DYNC2H1: variants seen among roughly 807,000 people sequenced by gnomAD.
DYNC2H1 encodes the protein cytoplasmic dynein 2 heavy chain 1.
A neutral mutation model predicts 570.0 loss-of-function variants in DYNC2H1; 410 were observed. That is an observed-to-expected ratio of 0.72 (90% CI 0.66 to 0.78). The LOEUF (loss-of-function observed/expected upper bound fraction) is 0.78. Ranked by LOEUF, DYNC2H1 falls within the 30% of genes least tolerant of loss-of-function variation. DYNC2H1 has a pLI of 0.00. For synonymous variants in DYNC2H1, 1,688 were observed against 1,677.6 expected (o/e 1.01, Z -0.15); for missense variants, 4,865 against 5,046.4 (o/e 0.96, Z 1.09).
chr11:103,383,969 A>C lies in DYNC2H1; in HGVS notation c.12157-15694A>C, dbSNP rs1333148412. ...TGTCTTGATTACCTTTTAGGTATAG[A>C]TGTCTATTATGTATGACTACATTAT... On this transcript the variant is annotated intron_variant, in intron 83 of 88. Transcript: ENST00000375735. Among the ~76,000 whole-genome samples the C allele has an allele frequency of 2.0e-5, 3 of 152,180 alleles. No homozygotes were observed. The East Asian group carries it at 5.8e-4, about 29-fold the overall frequency.
chr11:103,190,975 T>C (rs1449033359), intron 45 of DYNC2H1, among the ~76,000 whole-genome samples: 1 of 144,118 alleles, frequency 6.9e-6, no homozygotes, highest in East Asian at 2.0e-4. Flanking sequence ...TTTTTTTTTT[T>C]GGCCATCTGT....
Position 103,199,105 on chromosome 11 carries a change from G to C in DYNC2H1, c.7840-123G>C. 1 of 606,622 alleles carries C rather than the reference G, an allele frequency of 1.6e-6. No individual in the cohort carries two copies. The highest frequency in any genetic ancestry group is 2.6e-6 in the Non-Finnish European group (1 of 380,570). 37.6% of individuals were successfully genotyped at this position (606,622 alleles called of 1,614,324 possible). ...TAAAATATTGAGTGTGAGATGATAT[G>C]TAGTCACTTTACTTTTTTTCTTGAA... On this transcript the variant is annotated intron_variant, in intron 48 of 88. Coordinates refer to ENST00000375735, the MANE Select transcript of DYNC2H1 (RefSeq NM_001377.3). The surrounding 1 kb of genome is among the most constrained non-coding windows in gnomAD (Gnocchi z 4.6).
Position 103,170,387 on chromosome 11 carries a change from A to G in DYNC2H1, c.5151+97A>G, listed in dbSNP as rs1342202531. 8 of 1,196,802 alleles carry G rather than the reference A, an allele frequency of 6.7e-6. No homozygotes were observed. The highest frequency in any genetic ancestry group is 8.9e-6 in the Non-Finnish European group (8 of 894,434). 74.1% of individuals were successfully genotyped at this position (1,196,802 alleles called of 1,614,324 possible). A position where few individuals can be genotyped will look rare whatever the true frequency, so the allele number is the denominator to read the frequency against. On this transcript the variant is annotated intron_variant, in intron 33 of 88. Coordinates refer to ENST00000375735, the MANE Select transcript of DYNC2H1 (RefSeq NM_001377.3). This position sits in a 1 kb window ranked among gnomAD's most constrained non-coding sequence, Gnocchi z 4.8. ...AAATACTCTACTTAAAAATCACTAC[A>G]TTTAAATTAGTTGAAGACAGAATTT...
chr11:103,412,144 T>G (rs916611515), intron 84 of DYNC2H1, among the ~76,000 whole-genome samples: 2 of 28,034 alleles, frequency 7.1e-5, no homozygotes, highest in Admixed American at 3.6e-4. Context: ...AAAATAAAAG[T>G]TAAATTTTTG....
intron 73 of DYNC2H1, among the ~76,000 whole-genome samples, chr11:103,285,144 T>A (rs574212817): frequency 8.5e-5 from 13 of 152,306 alleles, no homozygotes; most frequent in South Asian, 4.1e-4. Flanking sequence ...CTTGACAGAG[T>A]TTAAAACTGA....
chr11:103,392,169 C>A (rs1323123362), intron 83 of DYNC2H1, among the ~76,000 whole-genome samples: 1 of 152,250 alleles, frequency 6.6e-6, no homozygotes, highest in Non-Finnish European at 1.5e-5. Context: ...TTCCCGGCCA[C>A]TTTGTTTACC....
rs1016831353 is a variant in DYNC2H1 at position 103,381,494 on chromosome 11, G to A, written c.12157-18169G>A. Among the ~76,000 whole-genome samples the A allele has an allele frequency of 2.6e-5, 4 of 152,204 alleles. No homozygotes were observed. The South Asian group carries it at 8.3e-4, about 32-fold the overall frequency. ...AGATGGAGTCTCGCTTTGTCACTCAGGCTGGAGTACAGTGGCGCGATCTCG... is the reference window on the plus strand; with the variant it reads ...AGATGGAGTCTCGCTTTGTCACTCAAGCTGGAGTACAGTGGCGCGATCTCG... On this transcript the variant is annotated intron_variant, in intron 83 of 88. Transcript: ENST00000375735.
chr11:103,464,403 A>G (rs1945127342), intron 87 of DYNC2H1, among the ~76,000 whole-genome samples: 1 of 152,218 alleles, frequency 6.6e-6, no homozygotes, highest in Non-Finnish European at 1.5e-5. Context: ...TTCTAAAAGG[A>G]TTTCTAGAAG....
In DYNC2H1 at chr11:103,325,658, T is replaced by A. The variant is rs1036502714; in HGVS notation, c.12039+1668T>A. ...TGATTGTATTATGAAATTCTTGTAG[T>A]GAATTTTTCCATTCCAGAAGTTCAG... On this transcript the variant is annotated intron_variant, in intron 82 of 88. Transcript: ENST00000375735. This position sits in a 1 kb window ranked among gnomAD's most constrained non-coding sequence, Gnocchi z 4.8. 1.1e-4 allele frequency among the ~76,000 whole-genome samples: 16 copies of A among 152,198 alleles called. No individual in the cohort carries two copies. The highest frequency in any genetic ancestry group is 1.0e-3 in the Admixed American group (16 of 15,284).
intron 63 of DYNC2H1, among the ~76,000 whole-genome samples, chr11:103,238,491 A>C (rs964901198): frequency 6.6e-6 from 1 of 151,806 alleles, no homozygotes; most frequent in South Asian, 2.1e-4. Flanking sequence ...ATTGCTTGAA[A>C]CTGGGAGGCA....
At chr11:103,353,440 G>A (rs774445092) in intron 82 of DYNC2H1, among the ~76,000 whole-genome samples, 4 of 152,004 alleles carry the variant, frequency 2.6e-5, no homozygotes, top group Admixed American at 6.6e-5. Context: ...CACATTAACT[G>A]TCCTACATAA....
At chr11:103,353,096 A>G (rs964643343) in intron 82 of DYNC2H1, among the ~76,000 whole-genome samples, 2 of 152,182 alleles carry the variant, frequency 1.3e-5, no homozygotes, top group Non-Finnish European at 2.9e-5. Context: ...GAGTTGATCA[A>G]TGAGAACACA....
rs774173848 is a variant in DYNC2H1, at chr11:103,143,337, T to G, written c.2644T>G (p.Trp882Gly). 6.2e-7 allele frequency: 1 copy of G among 1,613,072 alleles called. No homozygotes were observed. Among genetic ancestry groups the G allele is most frequent in the Non-Finnish European group, 8.5e-7 (1 of 1,179,532 alleles). ...AAAGCATCTTTTTACTGTACATGAT[T>G]GGGAGAAAAATTTTAAAGCATTAAA... ...VEKHLFTVHD[W>G]EKNFKALKIK... Residue 882 changes from tryptophan to glycine, a missense_variant, in exon 18 of 89, where the codon TGG becomes GGG. By Grantham distance (184) the Trp-to-Gly change is radical. Around this residue, in one of 5 missense-constraint regions of DYNC2H1, gnomAD observed 1,936 missense variants for 1,962.1 expected, o/e 0.99. Coordinates refer to ENST00000375735, the MANE Select transcript of DYNC2H1 (RefSeq NM_001377.3).
rs546107915 is a variant in DYNC2H1 at position 103,252,129 on chromosome 11, C to T, written c.10043-1156C>T. Among the ~76,000 whole-genome samples, 4 of 149,882 alleles carry T rather than the reference C, an allele frequency of 2.7e-5. No individual in the cohort carries two copies. In the South Asian group the frequency reaches 8.4e-4, roughly 32 times the overall value. ...TTTTTTTTTTTTGCAAAGACGAGGTCTCAGTATGTTTCCCAGATGGATCTT... is the reference window on the plus strand; with the variant it reads ...TTTTTTTTTTTTGCAAAGACGAGGTTTCAGTATGTTTCCCAGATGGATCTT... On this transcript the variant is annotated intron_variant, in intron 65 of 88. Transcript: ENST00000375735. This position sits in a 1 kb window ranked among gnomAD's most constrained non-coding sequence, Gnocchi z 4.6.
At chr11:103,443,660 G>GA (rs1431607720) in intron 85 of DYNC2H1, among the ~76,000 whole-genome samples, 6 of 149,552 alleles carry the variant, frequency 4.0e-5, no homozygotes, top group Non-Finnish European at 7.5e-5. Context: ...ATTTTGACAA[G>GA]TTTTTTTTTT....
intron 88 of DYNC2H1, among the ~76,000 whole-genome samples, chr11:103,476,638 C>A (rs527465048): frequency 6.6e-6 from 1 of 152,118 alleles, no homozygotes; most frequent in South Asian, 2.1e-4. Flanking sequence ...ATATGTAAAT[C>A]AGGTTAAGTT....
chr11:103,123,084 C>T, intron 11 of DYNC2H1, 84 bp downstream of exon 11: 14 of 1,160,646 alleles, frequency 1.2e-5, no homozygotes, highest in Non-Finnish European at 1.5e-5. Flanking sequence ...TATCTTTTTC[C>T]TTTCTCCAAA....
At position 103,124,682 on chromosome 11, in the gene DYNC2H1, C is replaced by T. The variant is rs940202886; in HGVS notation, c.1662-418C>T. On this transcript the variant is annotated intron_variant, in intron 11 of 88. Coordinates refer to ENST00000375735, the MANE Select transcript of DYNC2H1 (RefSeq NM_001377.3). ...AAACGTTTTAATATCTCTACTCCTA[C>T]CATTTTGATATTCCTTATTATTGAT... 2.6e-5 allele frequency among the ~76,000 whole-genome samples: 4 copies of T among 152,030 alleles called. No homozygotes were observed. In the South Asian group the frequency reaches 8.3e-4, roughly 32 times the overall value.
intron 78 of DYNC2H1, among the ~76,000 whole-genome samples, chr11:103,310,983 T>G (rs560815800): frequency 1.3e-5 from 2 of 152,172 alleles, no homozygotes; most frequent in Admixed American, 1.3e-4. Flanking sequence ...ATTACAAGCG[T>G]GAGCCACCAT....
Sources: gnomAD v4.1 joint callset for allele counts (sites outside exome capture counted in the v4.1 genomes callset) on GRCh38, gnomAD v4.1.1 for gene constraint, gnomAD v4.1.1 regional missense constraint, Gnocchi (gnomAD v3.1) non-coding constraint, MANE v1.5 for transcripts, NCBI Gene and HGNC (gene_info 2026-07-23, HGNC 2026-07-21) for gene names.